SBK1: variants seen among roughly 807,000 people sequenced by gnomAD.
The protein encoded by SBK1 is serine/threonine-protein kinase SBK1.
In SBK1, 11 loss-of-function variants were observed where a neutral mutation model predicts 24.4. The observed-to-expected ratio is 0.45, with a 90% confidence interval of 0.28 to 0.75. The LOEUF is 0.75. Ranked by LOEUF, SBK1 falls within the 30% of genes least tolerant of loss-of-function variation. The pLI, the probability that SBK1 is intolerant of heterozygous loss-of-function variation, is 0.12. For synonymous variants in SBK1, 308 were observed against 284.4 expected, an observed-to-expected ratio of 1.08 and a Z score of -0.83; for missense variants, 467 against 620.5, an observed-to-expected ratio of 0.75 and a Z score of 2.63.
chr16:28,266,728 CT>C, intron 1 of SBK1, among the ~76,000 whole-genome samples: 1 of 128,202 alleles, frequency 7.8e-6, no homozygotes, highest in South Asian at 2.4e-4. Context: ...TTTCTTTTTT[CT>C]TTTCTTTTTT....
chr16:28,315,015 G>C (rs539704640), intron 1 of SBK1, among the ~76,000 whole-genome samples: 1 of 152,198 alleles, frequency 6.6e-6, no homozygotes, highest in Non-Finnish European at 1.5e-5. Flanking sequence ...GGAGTGCAGG[G>C]AGGGTAGAGG....
At position 28,320,847 on chromosome 16, in the gene SBK1, G is replaced by A; in HGVS notation, c.1201G>A (p.Gly401Ser). 1 of 1,476,236 alleles carries A rather than the reference G, an allele frequency of 6.8e-7. No individual in the cohort carries two copies. Among genetic ancestry groups the A allele is most frequent in the Non-Finnish European group, 9.0e-7 (1 of 1,115,522 alleles). The allele number at this position is 1,476,236 out of a possible 1,614,324, so 91.4% of individuals were successfully genotyped here. A position where few individuals can be genotyped will look rare whatever the true frequency, so the allele number is the denominator to read the frequency against. Residue 401 changes from glycine to serine, a missense_variant, in exon 4 of 4, where the codon GGC becomes AGC. By Grantham distance (56) the Gly-to-Ser change is moderately conservative. Around this residue, in one of 4 missense-constraint regions of SBK1, gnomAD observed 166 missense variants for 146.8 expected, o/e 1.13. Transcript: ENST00000341901. This position sits in a 1 kb window ranked among gnomAD's most constrained non-coding sequence, Gnocchi z 8.5. ...CGGCCTAGCTCCCCAGGGGCCCCCC[G>A]GCCGGACCGACGGCCGCGCGGACAA... Reference protein sequence around the residue: ...EPGLAPQGPPGRTDGRADKSK... With the variant: ...EPGLAPQGPPSRTDGRADKSK...
At chr16:28,296,559 TC>T (rs1299625284) in intron 1 of SBK1, among the ~76,000 whole-genome samples, 2 of 152,090 alleles carry the variant, frequency 1.3e-5, no homozygotes, top group Non-Finnish European at 2.9e-5. Flanking sequence ...TGGGCAACCT[TC>T]GTCTGTGTGT....
chr16:28,316,120 T>C (rs1027523978), intron 1 of SBK1, among the ~76,000 whole-genome samples: 2 of 152,010 alleles, frequency 1.3e-5, no homozygotes, highest in Non-Finnish European at 2.9e-5. Flanking sequence ...ATTAGTCGGG[T>C]GGTGAGGTCG....
chr16:28,280,149 A>ATATATATATATATATATATGTGTG (rs1230385223), intron 1 of SBK1, among the ~76,000 whole-genome samples: 3 of 39,418 alleles, frequency 7.6e-5, no homozygotes, highest in African/African-American at 2.5e-4. Flanking sequence ...ATATATATAT[A>ATATATATATATATATATATGTGTG]TGTGTGTGTG....
Position 28,319,215 on chromosome 16 carries a change from A to G in SBK1, c.429+18A>G. 6.2e-7 allele frequency: 1 copy of G among 1,605,558 alleles called. No homozygotes were observed. Among genetic ancestry groups the G allele is most frequent in the African/African-American group, 1.3e-5 (1 of 74,794 alleles). ...CTCCCCAGGTACTCGGGATGGTGGC[A>G]TAGGGTGGGGAAAGGGTCTTCAGGG... On this transcript the variant is annotated intron_variant, in intron 3 of 3. Coordinates refer to ENST00000341901, the MANE Select transcript of SBK1 (RefSeq NM_001024401.3). This position sits in a 1 kb window ranked among gnomAD's most constrained non-coding sequence, Gnocchi z 4.0.
chr16:28,307,010 C>T (rs956450900), intron 1 of SBK1, among the ~76,000 whole-genome samples: 2 of 152,308 alleles, frequency 1.3e-5, no homozygotes, highest in South Asian at 2.1e-4. Flanking sequence ...AGGGCATCTG[C>T]AGGGCAAGGT....
At position 28,322,253 on chromosome 16, in the gene SBK1, T is replaced by G. The variant is rs949540220; in HGVS notation, c.*1332T>G. On this transcript the variant is annotated 3_prime_UTR_variant, in exon 4 of 4. Coordinates refer to ENST00000341901, the MANE Select transcript of SBK1 (RefSeq NM_001024401.3). ...TGTCCCAGGGCGCCCAGGCCTGCCT[T>G]GCACCACAGCCCTCAGGAAATCCGG... 2.0e-5 allele frequency: 3 copies of G among 152,606 alleles called. No homozygotes were observed. Among genetic ancestry groups the G allele is most frequent in the African/African-American group, 7.2e-5 (3 of 41,414 alleles). 9.5% of individuals were successfully genotyped at this position (152,606 alleles called of 1,614,324 possible).
intron 1 of SBK1, among the ~76,000 whole-genome samples, chr16:28,275,075 C>T (rs1597011873): frequency 6.6e-6 from 1 of 152,176 alleles, no homozygotes; most frequent in Admixed American, 6.5e-5. Flanking sequence ...GCTGTAACCC[C>T]AGCACTTTGG....
At position 28,259,512 on chromosome 16, in the gene SBK1, C is replaced by T. The variant is rs1332066333; in HGVS notation, c.257+10C>T. 3.1e-6 allele frequency: 3 copies of T among 965,130 alleles called. No individual in the cohort carries two copies. Among genetic ancestry groups the T allele is most frequent in the Non-Finnish European group, 3.7e-6 (3 of 811,476 alleles). 59.8% of individuals were successfully genotyped at this position (965,130 alleles called of 1,614,324 possible). A position where few individuals can be genotyped will look rare whatever the true frequency, so the allele number is the denominator to read the frequency against. On this transcript the variant is annotated intron_variant, in intron 1 of 3. Transcript: ENST00000671413. The surrounding 1 kb of genome is among the most constrained non-coding windows in gnomAD (Gnocchi z 6.0). ...AAGTCCCATTGCGGAGGTCAGTGCT[C>T]GTGGGTGGCCAGTGGGTGGGCAGCA...
chr16:28,284,700 G>A (rs2044554672), intron 1 of SBK1, among the ~76,000 whole-genome samples: 2 of 152,260 alleles, frequency 1.3e-5, no homozygotes, highest in African/African-American at 2.4e-5. Context: ...AGGACTTTGG[G>A]AGGCCATGGC....
intron 1 of SBK1, among the ~76,000 whole-genome samples, chr16:28,315,864 C>T (rs1567680066): frequency 1.1e-4 from 16 of 152,148 alleles, no homozygotes. Context: ...CTCCAGGGTT[C>T]AAGAAGTTCT....
Position 28,320,050 on chromosome 16 carries a change from G to A in SBK1, c.430-26G>A. On this transcript the variant is annotated intron_variant, in intron 3 of 3. Transcript: ENST00000341901. The surrounding 1 kb of genome is among the most constrained non-coding windows in gnomAD (Gnocchi z 8.5). ...GGCGGGCGCTGGAGAGCTGGAAACA[G>A]CGCGGCTTCCCCCGGCCGCCCGCAG... 4 of 1,460,098 alleles carry A rather than the reference G, an allele frequency of 2.7e-6. No homozygotes were observed. Among genetic ancestry groups the A allele is most frequent in the Non-Finnish European group, 3.6e-6 (4 of 1,112,756 alleles). 90.4% of individuals were successfully genotyped at this position (1,460,098 alleles called of 1,614,324 possible).
chr16:28,264,311 C>A (rs921397195), intron 1 of SBK1, among the ~76,000 whole-genome samples: 2 of 151,748 alleles, frequency 1.3e-5, no homozygotes, highest in Non-Finnish European at 2.9e-5. Flanking sequence ...TACAGGCTCA[C>A]GCCTGTAATC....
intron 1 of SBK1, among the ~76,000 whole-genome samples, chr16:28,312,777 A>T (rs2044762438): frequency 6.6e-6 from 1 of 152,194 alleles, no homozygotes. Context: ...AGGCAGGAGG[A>T]CTGTTTGAGC....
At chr16:28,314,043 C>T (rs1414287045) in intron 1 of SBK1, among the ~76,000 whole-genome samples, 1 of 149,390 alleles carries the variant, frequency 6.7e-6, no homozygotes, top group Non-Finnish European at 1.5e-5. Flanking sequence ...CTATGGAGCA[C>T]TTACTGCATG....
upstream of SBK1, among the ~76,000 whole-genome samples, chr16:28,289,176 C>G (rs2044584117): frequency 6.6e-6 from 1 of 152,210 alleles, no homozygotes; most frequent in African/African-American, 2.4e-5. Context: ...CATTCTGAGA[C>G]TCAGCTTTTA....
intron 1 of SBK1, among the ~76,000 whole-genome samples, chr16:28,315,911 G>A (rs991601295): frequency 6.6e-6 from 1 of 152,066 alleles, no homozygotes; most frequent in Non-Finnish European, 1.5e-5. Flanking sequence ...GATTACAGGC[G>A]TGCATCACCA....
intron 1 of SBK1, among the ~76,000 whole-genome samples, chr16:28,310,863 C>T (rs1478115505): frequency 6.6e-6 from 1 of 152,124 alleles, no homozygotes. Context: ...GTGTGACTTG[C>T]TCAAGGTCAC....
Sources: gnomAD v4.1 joint callset for allele counts (sites outside exome capture counted in the v4.1 genomes callset) on GRCh38, gnomAD v4.1.1 for gene constraint, gnomAD v4.1.1 regional missense constraint, Gnocchi (gnomAD v3.1) non-coding constraint, MANE v1.5 for transcripts, NCBI Gene and HGNC (gene_info 2026-07-23, HGNC 2026-07-21) for gene names.